TBCEL: variants seen among roughly 807,000 people sequenced by gnomAD.
TBCEL encodes the protein tubulin-specific chaperone cofactor E-like protein.
In TBCEL, 15 loss-of-function variants were observed where a neutral mutation model predicts 44.2. That is an observed-to-expected ratio of 0.34 (90% CI 0.23 to 0.52). The LOEUF is 0.52. Ranked by LOEUF, TBCEL falls within the 20% of genes least tolerant of loss-of-function variation. The pLI is 0.95. For synonymous variants in TBCEL, 171 were observed against 185.4 expected (o/e 0.92, Z 0.63); for missense variants, 319 against 506.3 (o/e 0.63, Z 3.55).
At chr11:121,024,948 T>C (rs1211472133) in intron 1 of TBCEL, among the ~76,000 whole-genome samples, 1 of 152,084 alleles carries the variant, frequency 6.6e-6, no homozygotes, top group African/African-American at 2.4e-5. Context: ...CGTGGGATCT[T>C]GGGGGAAGTA....
intron 2 of TBCEL, among the ~76,000 whole-genome samples, chr11:121,038,036 T>G (rs1319885437): frequency 6.6e-6 from 1 of 152,014 alleles, no homozygotes; most frequent in African/African-American, 2.4e-5. Context: ...CTCGACTCAC[T>G]GCACCCTCTG....
intron 1 of TBCEL, among the ~76,000 whole-genome samples, chr11:121,027,102 A>C (rs1945060038): frequency 1.3e-5 from 2 of 152,242 alleles, no homozygotes; most frequent in South Asian, 4.2e-4. Flanking sequence ...TTGGCTACTT[A>C]GAGACCAGTT....
At chr11:121,066,313 T>TA (rs1190227949) in intron 8 of TBCEL, among the ~76,000 whole-genome samples, 1 of 152,236 alleles carries the variant, frequency 6.6e-6, no homozygotes, top group Non-Finnish European at 1.5e-5. Context: ...CCTTAAGAGT[T>TA]AAAATCCCAG....
intron 8 of TBCEL, among the ~76,000 whole-genome samples, chr11:121,068,297 C>G (rs1945858779): frequency 6.6e-6 from 1 of 152,108 alleles, no homozygotes; most frequent in Non-Finnish European, 1.5e-5. Flanking sequence ...GCCAGTTTTT[C>G]TCCTTTTTTC....
At chr11:121,082,109 T>C (rs899792110) in intron 8 of TBCEL, among the ~76,000 whole-genome samples, 7 of 152,244 alleles carry the variant, frequency 4.6e-5, no homozygotes, top group African/African-American at 1.4e-4. Context: ...ATTTGTTTTC[T>C]ATTGCTGCTA....
At chr11:121,034,266 A>G (rs1376409968) in intron 1 of TBCEL, among the ~76,000 whole-genome samples, 1 of 152,180 alleles carries the variant, frequency 6.6e-6, no homozygotes, top group Admixed American at 6.5e-5. Context: ...ATTGTTCTGA[A>G]GTATGTTATA....
At chr11:121,058,310 T>C (rs1265856504) in intron 6 of TBCEL, 35 bp from the exon 7 acceptor site, 1 of 1,604,808 alleles carries the variant, frequency 6.2e-7, no homozygotes, top group East Asian at 2.2e-5. Context: ...TATGTGCATC[T>C]CTGGATTTAC....
chr11:121,060,052 A>G lies in TBCEL; in HGVS notation c.923A>G (p.Tyr308Cys), dbSNP rs1197382715. The part of the protein sequence containing the change: ...EDSERFFIRY[Y>C]VDVPQEEVPF... ...TCTGAGAGATTTTTTATTCGTTACTATGTGGATGTTCCACAGGAAGAAGTG... is the reference window on the plus strand; with the variant it reads ...TCTGAGAGATTTTTTATTCGTTACTGTGTGGATGTTCCACAGGAAGAAGTG... The change falls in exon 8 of 9, where the codon TAT becomes TGT. Residue 308 changes from tyrosine to cysteine, a missense_variant. By Grantham distance (194) the Tyr-to-Cys change is radical. Coordinates refer to ENST00000683345, the MANE Select transcript of TBCEL (RefSeq NM_001363644.2). 1.2e-6 allele frequency: 2 copies of G among 1,611,694 alleles called. No individual in the cohort carries two copies. Among genetic ancestry groups the G allele is most frequent in the Non-Finnish European group, 1.7e-6 (2 of 1,178,478 alleles).
chr11:121,082,292 G>A (rs541371459), intron 8 of TBCEL, among the ~76,000 whole-genome samples: 1 of 152,324 alleles, frequency 6.6e-6, no homozygotes, highest in South Asian at 2.1e-4. Context: ...AGGCTCTGGA[G>A]GAGAATCTCT....
At chr11:121,028,988 C>G (rs116698058) in intron 1 of TBCEL, among the ~76,000 whole-genome samples, 2,529 of 152,284 alleles carry the variant, frequency 0.017, 74 homozygotes, top group African/African-American at 0.058. Context: ...CCTACCAATT[C>G]TTTATTTTCT....
intron 1 of TBCEL, among the ~76,000 whole-genome samples, chr11:121,030,782 A>G (rs774858054): frequency 1.3e-4 from 19 of 151,778 alleles, no homozygotes; most frequent in Non-Finnish European, 2.4e-4. Context: ...AGTTTTTGCC[A>G]TATATGTACG....
intron 1 of TBCEL, among the ~76,000 whole-genome samples, chr11:121,033,450 G>A (rs1371908107): frequency 1.3e-5 from 2 of 152,022 alleles, no homozygotes; most frequent in Non-Finnish European, 2.9e-5. Context: ...TGTATACATC[G>A]TAAATTAGAT....
In TBCEL at chr11:121,043,994, C is replaced by G. The variant is rs7937878; in HGVS notation, c.-17-1680C>G. 8.6e-3 allele frequency among the ~76,000 whole-genome samples: 1,315 copies of G among 152,194 alleles called. 22 individuals carry two copies. The highest frequency in any genetic ancestry group is 0.029 in the African/African-American group (1,216 of 41,530). On this transcript the variant is annotated intron_variant, in intron 2 of 8. Coordinates refer to ENST00000683345, the MANE Select transcript of TBCEL (RefSeq NM_001363644.2). The stretch of plus-strand genomic sequence containing the variant: ...TTCTGTAAAACTGGCTCTGTTCCTG[C>G]TTTCTTGTTAGTTAATGGTATCACC...
chr11:121,058,999 A>C (rs906361330), intron 7 of TBCEL, among the ~76,000 whole-genome samples: 4 of 151,890 alleles, frequency 2.6e-5, no homozygotes, highest in African/African-American at 9.7e-5. Context: ...CATACTCGGG[A>C]ATTTCCCATG....
chr11:121,049,697 C>G (rs895161743), intron 4 of TBCEL, among the ~76,000 whole-genome samples: 1 of 151,744 alleles, frequency 6.6e-6, no homozygotes, highest in South Asian at 2.1e-4. Flanking sequence ...TTTGGAAATA[C>G]AAAATTTTAC....
At chr11:121,074,129 CTT>C (rs1038807941) in intron 8 of TBCEL, among the ~76,000 whole-genome samples, 1 of 151,754 alleles carries the variant, frequency 6.6e-6, no homozygotes, top group Non-Finnish European at 1.5e-5. Flanking sequence ...TTAATAGTCA[CTT>C]ACGATTTGGG....
At chr11:121,028,722 G>A (rs1256556124) in intron 1 of TBCEL, among the ~76,000 whole-genome samples, 1 of 152,212 alleles carries the variant, frequency 6.6e-6, no homozygotes, top group East Asian at 1.9e-4. Context: ...ACATCATGAA[G>A]AGAGGTTCCA....
intron 1 of TBCEL, among the ~76,000 whole-genome samples, chr11:121,034,325 A>T (rs1278503652): frequency 1.3e-5 from 2 of 152,180 alleles, no homozygotes; most frequent in Non-Finnish European, 2.9e-5. Context: ...GGAGTACAAA[A>T]ATCATATATT....
chr11:121,044,949 A>G (rs1945402580), intron 2 of TBCEL, among the ~76,000 whole-genome samples: 1 of 152,140 alleles, frequency 6.6e-6, no homozygotes, highest in African/African-American at 2.4e-5. Context: ...TTCCAGAGAT[A>G]TGTACCAGTA....
Sources: gnomAD v4.1 joint callset for allele counts (sites outside exome capture counted in the v4.1 genomes callset) on GRCh38, gnomAD v4.1.1 for gene constraint, MANE v1.5 for transcripts, NCBI Gene and HGNC (gene_info 2026-07-23, HGNC 2026-07-21) for gene names.